The following CNTLN variants were observed in gnomAD, a reference collection of about 807,000 sequenced individuals.
CNTLN encodes the protein centlein, centrosomal protein.
In CNTLN, 212 loss-of-function variants were observed where a neutral mutation model predicts 180.0. The observed-to-expected ratio is 1.18, with a 90% CI of 1.05 to 1.32. The LOEUF (loss-of-function observed/expected upper bound fraction) is 1.32, where lower values mean the gene tolerates loss of function less well. Among genes scored for constraint, CNTLN ranks in the 40% most tolerant of loss-of-function variants. The pLI is 0.00. For synonymous variants in CNTLN, 722 were observed against 563.1 expected, an observed-to-expected ratio of 1.28 and a Z score of -3.99; for missense variants, 2,095 against 1,610.9, an observed-to-expected ratio of 1.30 and a Z score of -5.14.
chr9:17,408,092 A>C (rs1827540472), intron 15 of CNTLN, among the ~76,000 whole-genome samples: 2 of 126,556 alleles, frequency 1.6e-5, no homozygotes, highest in East Asian at 5.2e-4. Context: ...GTGCCACTAC[A>C]CTCCAGCCTG....
chr9:17,483,548 A>G (rs1257739835), intron 23 of CNTLN, among the ~76,000 whole-genome samples: 3 of 152,230 alleles, frequency 2.0e-5, no homozygotes, highest in South Asian at 2.1e-4. Context: ...GAAACAGCCC[A>G]AACATCTAAC....
chr9:17,519,805 A>G, the CNTLN span, among the ~76,000 whole-genome samples: 2 of 152,250 alleles, frequency 1.3e-5, no homozygotes, highest in African/African-American at 4.8e-5. Flanking sequence ...AGTTACAAGA[A>G]GTCTGCTAGC....
intron 18 of CNTLN, among the ~76,000 whole-genome samples, chr9:17,418,045 A>G (rs570997278): frequency 6.6e-6 from 1 of 152,150 alleles, no homozygotes; most frequent in African/African-American, 2.4e-5. Context: ...AATCTCATCT[A>G]TTCCAAGGTA....
intron 25 of CNTLN, among the ~76,000 whole-genome samples, chr9:17,489,772 C>T (rs1367371004): frequency 6.6e-6 from 1 of 151,898 alleles, no homozygotes; most frequent in Non-Finnish European, 1.5e-5. Context: ...AGATATATGC[C>T]ATTATTTCAA....
Position 17,416,049 on chromosome 9 carries a change from C to G in CNTLN, c.2974C>G (p.Gln992Glu), listed in dbSNP as rs1035694052. The G allele has an allele frequency of 6.2e-7, 1 of 1,613,466 alleles. No homozygotes were observed. The highest frequency in any genetic ancestry group is 8.5e-7 in the Non-Finnish European group (1 of 1,179,660). Residue 992 changes from glutamine to glutamate, a missense_variant, in exon 18 of 26, where the codon CAA (glutamine) becomes GAA (glutamate). Gln to Glu is a conservative substitution (Grantham distance 29). Transcript: ENST00000380647. Reference sequence around the variant, plus strand: ...ATTACGAGAACGGATTATATCCTTGCAACAACAAAACAGTGTACTTCAGAA... The same window carrying G: ...ATTACGAGAACGGATTATATCCTTGGAACAACAAAACAGTGTACTTCAGAA... ...ILLRERIISL[Q>E]QQNSVLQNAK...
chr9:17,517,314 C>T, the CNTLN span, among the ~76,000 whole-genome samples: 3 of 151,612 alleles, frequency 2.0e-5, no homozygotes, highest in Non-Finnish European at 2.9e-5. Flanking sequence ...ATGGCGTGAA[C>T]CCAGGAGGCG....
chr9:17,481,554 A>G (rs1310386480), intron 23 of CNTLN, among the ~76,000 whole-genome samples: 1 of 152,170 alleles, frequency 6.6e-6, no homozygotes, highest in African/African-American at 2.4e-5. Flanking sequence ...TGCAGCGTAC[A>G]TCTTGCAGCC....
chr9:17,203,038 C>G (rs1822662258), intron 2 of CNTLN, among the ~76,000 whole-genome samples: 1 of 145,562 alleles, frequency 6.9e-6, no homozygotes, highest in Non-Finnish European at 1.5e-5. Context: ...CTGGTGGTGA[C>G]AGAGTCCCTC....
At chr9:17,292,971 T>C (rs935059757) in intron 6 of CNTLN, among the ~76,000 whole-genome samples, 1 of 152,216 alleles carries the variant, frequency 6.6e-6, no homozygotes, top group Non-Finnish European at 1.5e-5. Context: ...TTGTTGATGC[T>C]GTTATTGTTG....
At chr9:17,412,121 G>A (rs938271332) in intron 16 of CNTLN, among the ~76,000 whole-genome samples, 2 of 151,168 alleles carry the variant, frequency 1.3e-5, no homozygotes, top group Admixed American at 1.3e-4. Flanking sequence ...CTATTGGGTA[G>A]CCTGAAGTTC....
intron 2 of CNTLN, among the ~76,000 whole-genome samples, chr9:17,218,466 C>A (rs555883976): frequency 6.6e-6 from 1 of 151,826 alleles, no homozygotes; most frequent in African/African-American, 2.4e-5. Flanking sequence ...ATTCACTATG[C>A]GTATTCATAA....
rs940297912 is a variant in CNTLN at position 17,477,016 on chromosome 9, T to C, written c.3856-7279T>C. 2.0e-5 allele frequency among the ~76,000 whole-genome samples: 3 copies of C among 152,186 alleles called. No homozygotes were observed. In the East Asian group the frequency reaches 5.8e-4, roughly 29 times the overall value. ...GGCTAATGCAGCTGGGGACTTTAAG[T>C]TGAAGCCGATGCTCATTTCACATTC... On this transcript the variant is annotated intron_variant, in intron 23 of 25. Transcript: ENST00000380647.
In CNTLN at chr9:17,429,577, C is replaced by G. The variant is rs192862186; in HGVS notation, c.3114+13388C>G. On this transcript the variant is annotated intron_variant, in intron 18 of 25. Transcript: ENST00000380647. ...TAAATTTGCAAAGAATTTTCACATA[C>G]TTTCACAATTTGAGAAATACAGAAT... Among the ~76,000 whole-genome samples, 716 of 152,070 alleles carry G rather than the reference C, an allele frequency of 4.7e-3. 3 individuals carry two copies. The highest frequency in any genetic ancestry group is 6.8e-3 in the Non-Finnish European group (462 of 67,900).
chr9:17,279,888 G>A (rs1224230959), intron 6 of CNTLN, among the ~76,000 whole-genome samples: 1 of 126,586 alleles, frequency 7.9e-6, no homozygotes, highest in Admixed American at 7.9e-5. Flanking sequence ...ATCCACTCAG[G>A]TATTAATGGG....
intron 18 of CNTLN, among the ~76,000 whole-genome samples, chr9:17,431,107 G>C (rs1403572201): frequency 6.6e-6 from 1 of 151,882 alleles, no homozygotes; most frequent in African/African-American, 2.4e-5. Flanking sequence ...TTCTATTTCT[G>C]GTTTTTTTGA....
the CNTLN span, among the ~76,000 whole-genome samples, chr9:17,518,977 A>G: frequency 7.2e-5 from 11 of 151,916 alleles, no homozygotes; most frequent in African/African-American, 2.7e-4. Context: ...AGGCTTGAGT[A>G]CAGTGGTACG....
At chr9:17,198,664 A>T (rs1249138040) in intron 2 of CNTLN, among the ~76,000 whole-genome samples, 1 of 150,686 alleles carries the variant, frequency 6.6e-6, no homozygotes, top group Non-Finnish European at 1.5e-5. Flanking sequence ...ATAGGTATAC[A>T]TGTCTCCCTC....
chr9:17,173,341 A>G (rs928799951), intron 2 of CNTLN, among the ~76,000 whole-genome samples: 3 of 152,186 alleles, frequency 2.0e-5, no homozygotes, highest in Admixed American at 6.5e-5. Context: ...GTCCTTTAAC[A>G]TAATAACTTT....
chr9:17,346,770 T>G (rs889432949), intron 12 of CNTLN, among the ~76,000 whole-genome samples: 1 of 152,232 alleles, frequency 6.6e-6, no homozygotes, highest in Admixed American at 6.5e-5. Context: ...TTTGTCAAAT[T>G]TGGGAAATTT....
Sources: gnomAD v4.1 joint callset for allele counts (sites outside exome capture counted in the v4.1 genomes callset) on GRCh38, gnomAD v4.1.1 for gene constraint, MANE v1.5 for transcripts, NCBI Gene and HGNC (gene_info 2026-07-23, HGNC 2026-07-21) for gene names.